TIA1: variants seen among roughly 807,000 people sequenced by gnomAD.
TIA1 encodes cytotoxic granule associated RNA binding protein TIA1.
Under a neutral mutation model 65.9 loss-of-function variants are expected in TIA1, and 23 were observed. The observed-to-expected ratio is 0.35, with a 90% CI of 0.25 to 0.49. TIA1 has a LOEUF of 0.49. TIA1 is among the 20% of genes least tolerant of loss of function. TIA1 has a pLI of 0.98. For synonymous variants in TIA1, 147 were observed against 149.4 expected, an observed-to-expected ratio of 0.98 and a Z score of 0.12; for missense variants, 371 against 477.9, an observed-to-expected ratio of 0.78 and a Z score of 2.09.
intron 7 of TIA1, among the ~76,000 whole-genome samples, chr2:70,223,354 C>A (rs147162510): frequency 1.3e-5 from 2 of 152,022 alleles, no homozygotes; most frequent in African/African-American, 4.8e-5. Context: ...AAAAAAAAAT[C>A]TTTGGTAGAT....
At chr2:70,244,737 A>T (rs1458392540) in intron 1 of TIA1, among the ~76,000 whole-genome samples, 1 of 145,038 alleles carries the variant, frequency 6.9e-6, no homozygotes. Flanking sequence ...CCGGAGGCTG[A>T]GGCAGGAGAA....
At chr2:70,247,308 A>G (rs890367522) in intron 1 of TIA1, among the ~76,000 whole-genome samples, 3 of 152,228 alleles carry the variant, frequency 2.0e-5, no homozygotes, top group African/African-American at 7.2e-5. Flanking sequence ...ATAGCAACTT[A>G]AAAGTGGAAA....
In TIA1 at chr2:70,235,096, A is replaced by G. The variant is rs962992358; in HGVS notation, c.123+983T>C. Among the ~76,000 whole-genome samples, 4 of 152,072 alleles carry G rather than the reference A, an allele frequency of 2.6e-5. No homozygotes were observed. The East Asian group carries it at 7.7e-4, about 29-fold the overall frequency. ...AAAAGAGAGACCATGGGACAAAAGG[A>G]TTTCTCTTTAACATAGCCTTTCCCA... On this transcript the variant is annotated intron_variant, in intron 2 of 12. Coordinates refer to ENST00000433529, the MANE Select transcript of TIA1 (RefSeq NM_022173.4).
At chr2:70,234,994 C>T (rs1688155081) in intron 2 of TIA1, among the ~76,000 whole-genome samples, 1 of 152,140 alleles carries the variant, frequency 6.6e-6, no homozygotes, top group South Asian at 2.1e-4. Flanking sequence ...TTATAGCAGG[C>T]TGGGTGCAAT....
In TIA1 at chr2:70,211,862, T is replaced by C. The variant is rs1210499579; in HGVS notation, c.*857A>G. ...GAAATAATACATGTAAATGTTGAAG[T>C]TGACACATGAAATTAACATGGCATA... On this transcript the variant is annotated 3_prime_UTR_variant, in exon 13 of 13. Coordinates refer to ENST00000433529, the MANE Select transcript of TIA1 (RefSeq NM_022173.4). 4 of 152,562 alleles carry C rather than the reference T, an allele frequency of 2.6e-5. No individual in the cohort carries two copies. Among genetic ancestry groups the C allele is most frequent in the African/African-American group, 9.6e-5 (4 of 41,462 alleles). 9.5% of individuals were successfully genotyped at this position (152,562 alleles called of 1,614,324 possible).
In TIA1 at chr2:70,229,320, T is replaced by A. The variant is rs1286652222; in HGVS notation, c.223-2A>T. On this transcript the variant is annotated splice_acceptor_variant, in intron 3 of 12. Transcript: ENST00000433529. LOFTEE classifies it high-confidence loss of function. ...TGTTGCCCAATTCACTTTGACTTCC[T>A]AAAAAAAAAAAATTTCTACATTTAT... 8.2e-7 allele frequency: 1 copy of A among 1,225,548 alleles called. No homozygotes were observed. 75.9% of individuals were successfully genotyped at this position (1,225,548 alleles called of 1,614,324 possible).
intron 1 of TIA1, among the ~76,000 whole-genome samples, chr2:70,247,908 A>G (rs1014347031): frequency 1.3e-5 from 2 of 152,140 alleles, no homozygotes; most frequent in African/African-American, 2.4e-5. Context: ...ACTGAAAATG[A>G]GTACAAGCAC....
At chr2:70,245,532 G>T (rs1017147022) in intron 1 of TIA1, among the ~76,000 whole-genome samples, 1 of 152,038 alleles carries the variant, frequency 6.6e-6, no homozygotes, top group Non-Finnish European at 1.5e-5. Context: ...AGTAACCAAG[G>T]CCAATTCAGA....
At chr2:70,223,596 T>C (rs899447721) in intron 7 of TIA1, among the ~76,000 whole-genome samples, 1 of 151,834 alleles carries the variant, frequency 6.6e-6, no homozygotes, top group Non-Finnish European at 1.5e-5. Context: ...TAATTTTTTG[T>C]AGAGATGGGG....
Position 70,224,622 on chromosome 2 carries a change from G to T in TIA1, c.406C>A (p.Arg136=). ...CCTGTTGCCATGTCTTTTACCACTC[G>T]GGCATCTCTGAAATCAGAAACAATC... ...FAPFGRISDA[R]VVKDMATGKS... Residue 136 remains arginine (R), a synonymous_variant, in exon 7 of 13, where the codon CGA becomes AGA. Transcript: ENST00000433529. The T allele has an allele frequency of 1.2e-6, 2 of 1,613,188 alleles. No individual in the cohort carries two copies. Among genetic ancestry groups the T allele is most frequent in the South Asian group, 2.2e-5 (2 of 91,018 alleles).
Position 70,248,567 on chromosome 2 carries a change from G to A in TIA1, c.-137C>T, listed in dbSNP as rs72841155. ...AGGTTACTCCGCCTCCTCCTCCGGC[G>A]GCAATTACACTAAACCGCCCGGCCC... On this transcript the variant is annotated 5_prime_UTR_variant, in exon 1 of 13. Transcript: ENST00000433529. 0.015 allele frequency: 20,646 copies of A among 1,339,966 alleles called. 551 individuals carry two copies. The highest frequency in any genetic ancestry group is 0.11 in the Admixed American group (5,572 of 52,188). The allele number at this position is 1,339,966 out of a possible 1,614,324, so 83.0% of individuals were successfully genotyped here.
intron 3 of TIA1, 138 bp from the exon 4 acceptor site, chr2:70,229,456 C>T (rs1393540254): frequency 1.5e-6 from 1 of 662,090 alleles, no homozygotes; most frequent in East Asian, 2.7e-5. Flanking sequence ...AGTTTCAACA[C>T]TTAATCTTCT....
At chr2:70,241,379 T>C (rs1043257431) in intron 1 of TIA1, among the ~76,000 whole-genome samples, 17 of 151,406 alleles carry the variant, frequency 1.1e-4, no homozygotes, top group African/African-American at 4.1e-4. Flanking sequence ...GAGGCAGAGG[T>C]TGCAGTGAGC....
intron 2 of TIA1, among the ~76,000 whole-genome samples, chr2:70,232,311 TGG>T: frequency 6.7e-6 from 1 of 149,854 alleles, no homozygotes; most frequent in Admixed American, 6.6e-5. Flanking sequence ...GAGGCCAAGG[TGG>T]GCTGATCACC....
intron 7 of TIA1, among the ~76,000 whole-genome samples, chr2:70,223,199 C>A (rs531613953): frequency 1.3e-5 from 2 of 152,246 alleles, no homozygotes; most frequent in Admixed American, 6.5e-5. Context: ...ATGAATCAAT[C>A]CTCTAAGGAA....
chr2:70,237,514 T>C (rs1208912909), intron 1 of TIA1, among the ~76,000 whole-genome samples: 1 of 152,176 alleles, frequency 6.6e-6, no homozygotes, highest in East Asian at 1.9e-4. Context: ...AGGCTTACCT[T>C]AGGAAGACAA....
chr2:70,213,345 C>CTTT (rs746531756), intron 12 of TIA1, among the ~76,000 whole-genome samples: 1 of 137,314 alleles, frequency 7.3e-6, no homozygotes, highest in Non-Finnish European at 1.6e-5. Context: ...CTTTTCTTTT[C>CTTT]TTTTTTTTTT....
In TIA1 at chr2:70,221,734, G is replaced by A. The variant is rs371246361; in HGVS notation, c.474+2820C>T. Among the ~76,000 whole-genome samples, 41 of 152,080 alleles carry A rather than the reference G, an allele frequency of 2.7e-4. No individual in the cohort carries two copies. In the East Asian group the frequency reaches 6.8e-3, roughly 25 times the overall value. On this transcript the variant is annotated intron_variant, in intron 7 of 12. Coordinates refer to ENST00000433529, the MANE Select transcript of TIA1 (RefSeq NM_022173.4). ...GTAAAAATATTCTAAAATTTATTTT[G>A]GTAATAGTTGCACAATTCTGTGAAT...
At chr2:70,216,784 A>AT in intron 8 of TIA1, 102 bp downstream of exon 8, 1 of 1,606,504 alleles carries the variant, frequency 6.2e-7, no homozygotes, top group Admixed American at 1.7e-5. Flanking sequence ...TTTGCTTCTC[A>AT]TCTATTTCTG....
Sources: gnomAD v4.1 joint callset for allele counts (sites outside exome capture counted in the v4.1 genomes callset) on GRCh38, gnomAD v4.1.1 for gene constraint, MANE v1.5 for transcripts, NCBI Gene and HGNC (gene_info 2026-07-23, HGNC 2026-07-21) for gene names.